RSRP1: variants seen among roughly 807,000 people sequenced by gnomAD.
The protein encoded by RSRP1 is arginine/serine-rich protein 1.
A neutral mutation model predicts 33.0 loss-of-function variants in RSRP1; 37 were observed. The ratio of observed to expected loss-of-function variants is 1.12; its 90% CI spans 0.86 to 1.48. The LOEUF (loss-of-function observed/expected upper bound fraction) is 1.48, where lower values mean the gene tolerates loss of function less well. Among genes scored for constraint, RSRP1 ranks in the 40% most tolerant of loss-of-function variants. The pLI, the probability that RSRP1 is intolerant of heterozygous loss-of-function variation, is 0.00. For synonymous variants in RSRP1, 167 were observed against 158.7 expected, an observed-to-expected ratio of 1.05 and a Z score of -0.40; for missense variants, 402 against 385.3, an observed-to-expected ratio of 1.04 and a Z score of -0.36.
chr1:25,300,006 T>A (rs1571662757), intron 1 of RSRP1, among the ~76,000 whole-genome samples: 1 of 131,410 alleles, frequency 7.6e-6, no homozygotes, highest in African/African-American at 2.6e-5. Context: ...CACCTCAGCC[T>A]CCCAAAGTGC....
intron 1 of RSRP1, among the ~76,000 whole-genome samples, chr1:25,286,314 T>C (rs1437443364): frequency 1.5e-5 from 2 of 135,144 alleles, no homozygotes; most frequent in African/African-American, 2.6e-5. Flanking sequence ...CACAGTGAGA[T>C]CCTGTCTCTG....
In RSRP1 at chr1:25,294,371, C is replaced by T. The variant is rs1571640104; in HGVS notation, c.-67+43607G>A. ...TGAGGGCTGCAGCCAGGGAATAGTC[C>T]GTCGCAGAGCAAGGATTCAAATAAG... On this transcript the variant is annotated intron_variant, in intron 1 of 1. Transcript: ENST00000561867. The T allele has an allele frequency of 2.0e-5, 16 of 788,120 alleles. 3 individuals are homozygous for T. The highest frequency in any genetic ancestry group is 2.2e-5 in the Non-Finnish European group (10 of 452,008). The allele number at this position is 788,120 out of a possible 1,614,324, so 48.8% of individuals were successfully genotyped here. A position where few individuals can be genotyped will look rare whatever the true frequency, so the allele number is the denominator to read the frequency against.
chr1:25,302,843 C>G (rs1369070836), intron 1 of RSRP1, among the ~76,000 whole-genome samples: 1 of 131,242 alleles, frequency 7.6e-6, no homozygotes, highest in Non-Finnish European at 1.8e-5. Context: ...GAAGGTACAT[C>G]CAAAACCCCA....
chr1:25,246,508 G>C lies in RSRP1; in HGVS notation c.456C>G (p.Ser152Arg), dbSNP rs1639410726. The stretch of plus-strand genomic sequence containing the variant: ...TCGTCCTGGATCTGTCCCTCCATCT[G>C]CTGTGCTCCTCCGGGTACACTGTGC... ...FGRTVYPEEH[S>R]RWRDRSRTRS... Residue 152 changes from serine (S) to arginine (R), a missense_variant, in exon 2 of 5, where the codon AGC (serine) becomes AGG (arginine). Transcript: ENST00000243189. 6.2e-7 allele frequency: 1 copy of C among 1,614,250 alleles called. No individual in the cohort carries two copies. Among genetic ancestry groups the C allele is most frequent in the Non-Finnish European group, 8.5e-7 (1 of 1,180,044 alleles).
At chr1:25,248,273 T>G (rs1639634575), upstream of RSRP1, 1 of 152,044 alleles carries the variant, frequency 6.6e-6, no homozygotes, top group Non-Finnish European at 1.5e-5. Flanking sequence ...CTTCTAGGGA[T>G]CTACAAATGG....
At chr1:25,244,211 ATC>A in intron 3 of RSRP1, 1 of 1,289,224 alleles carries the variant, frequency 7.8e-7, no homozygotes. Flanking sequence ...CTCTTCTGTA[ATC>A]TCTCAAAACA....
In RSRP1 at chr1:25,246,779, G is replaced by A. The variant is rs2124541395; in HGVS notation, c.185C>T (p.Ser62Phe). 1 of 1,613,266 alleles carries A rather than the reference G, an allele frequency of 6.2e-7. No homozygotes were observed. Among genetic ancestry groups the A allele is most frequent in the Non-Finnish European group, 8.5e-7 (1 of 1,179,542 alleles). Residue 62 changes from serine to phenylalanine, a missense_variant, in exon 2 of 5, where the codon TCC (serine) becomes TTC (phenylalanine). Transcript: ENST00000243189. ...GTGGCGCCTTCGGGAACGGGACCTGGACTTGCTCCTCCGACTCCTGGACGA... is the reference window on the plus strand; with the variant it reads ...GTGGCGCCTTCGGGAACGGGACCTGAACTTGCTCCTCCGACTCCTGGACGA... ...RFSSRSRRSK[S>F]RSRSRRRHQR...
At chr1:25,264,572 T>G (rs1640264871) in intron 1 of RSRP1, among the ~76,000 whole-genome samples, 1 of 151,434 alleles carries the variant, frequency 6.6e-6, no homozygotes, top group Non-Finnish European at 1.5e-5. Context: ...ACAAAACCAT[T>G]TTTTCCTGAT....
At chr1:25,252,745 G>A (rs1165687984) in intron 1 of RSRP1, among the ~76,000 whole-genome samples, 1 of 152,120 alleles carries the variant, frequency 6.6e-6, no homozygotes, top group Non-Finnish European at 1.5e-5. Context: ...ATGTTGGCCA[G>A]GCTGGTCTCG....
At position 25,258,343 on chromosome 1, in the gene RSRP1, C is replaced by A. The variant is rs563505038; in HGVS notation, c.-66-11314G>T. ...TTACAGATGTGCACCACCATGCCGG[C>A]TAATTTTTGTATTTTTTGTAGAGAT... On this transcript the variant is annotated intron_variant, in intron 1 of 1. Coordinates refer to the RSRP1 transcript ENST00000561867. 5.3e-5 allele frequency among the ~76,000 whole-genome samples: 8 copies of A among 152,112 alleles called. 1 individual carries two copies. The South Asian group carries it at 1.7e-3, about 32-fold the overall frequency.
chr1:25,270,368 A>G (rs620370), intron 1 of RSRP1, among the ~76,000 whole-genome samples: 11,831 of 129,784 alleles, frequency 0.091, 2,734 homozygotes, highest in African/African-American at 0.3. Context: ...AGCATGAGGG[A>G]TAGGCCAGCG....
At chr1:25,315,141 C>G (rs563934993) in intron 1 of RSRP1, among the ~76,000 whole-genome samples, 1 of 129,478 alleles carries the variant, frequency 7.7e-6, no homozygotes, top group East Asian at 2.0e-4. Flanking sequence ...GGTGACACAG[C>G]AAGACTCCAT....
At chr1:25,310,093 G>A (rs2478026) in intron 1 of RSRP1, among the ~76,000 whole-genome samples, 1 of 132,128 alleles carries the variant, frequency 7.6e-6, no homozygotes. Context: ...CCAACACCCA[G>A]AACCTCTTCT....
At chr1:25,311,801 A>T (rs1360005254) in intron 1 of RSRP1, among the ~76,000 whole-genome samples, 3 of 131,172 alleles carry the variant, frequency 2.3e-5, no homozygotes, top group African/African-American at 8.0e-5. Flanking sequence ...TGTGGAAGGT[A>T]AAAGTCATAA....
intron 3 of RSRP1, chr1:25,244,019 C>T (rs1571506412): frequency 8.4e-7 from 1 of 1,188,866 alleles, no homozygotes; most frequent in East Asian, 5.9e-5. Flanking sequence ...TGAGCAAACC[C>T]ACATCTGGGC....
intron 1 of RSRP1, among the ~76,000 whole-genome samples, chr1:25,276,938 G>A (rs1641056747): frequency 1.5e-5 from 2 of 129,902 alleles, no homozygotes; most frequent in South Asian, 2.4e-4. Context: ...GTGGTGGCGG[G>A]TGCCTGTAGT....
At chr1:25,291,072 T>C (rs1392108024) in intron 1 of RSRP1, among the ~76,000 whole-genome samples, 3 of 130,176 alleles carry the variant, frequency 2.3e-5, no homozygotes, top group East Asian at 1.9e-4. Context: ...GGAAGGATTG[T>C]TTGAGCCCAG....
Position 25,246,631 on chromosome 1 carries a change from G to A in RSRP1, c.333C>T (p.Tyr111=). The change falls in exon 2 of 5, where the codon TAC becomes TAT. Residue 111 remains tyrosine, a synonymous_variant. Transcript: ENST00000243189. ...TRRYYRSPSR[Y]RSRSRSRSRS... ...GCGACCTGCTACGGGACCGGGACCG[G>A]TACCGCGAAGGAGACCGGTAGTATC... 1 of 1,614,072 alleles carries A rather than the reference G, an allele frequency of 6.2e-7. No individual in the cohort carries two copies. Among genetic ancestry groups the A allele is most frequent in the South Asian group, 1.1e-5 (1 of 91,082 alleles).
chr1:25,298,276 G>A (rs1055255935), intron 1 of RSRP1, among the ~76,000 whole-genome samples: 6 of 113,848 alleles, frequency 5.3e-5, no homozygotes, highest in African/African-American at 1.4e-4. Flanking sequence ...CTGTGAGCCC[G>A]AACCTCTTCC....
Sources: allele counts gnomAD v4.1 joint callset (sites outside exome capture counted in the v4.1 genomes callset), GRCh38; gene constraint gnomAD v4.1.1; transcripts MANE v1.5; gene names NCBI Gene and HGNC (gene_info 2026-07-23, HGNC 2026-07-21).